CNTN5: variants seen among roughly 807,000 people sequenced by gnomAD.
CNTN5 encodes the protein contactin 5.
CNTN5 carries 77 observed loss-of-function variants against 129.1 expected under a neutral mutation model. That is an observed-to-expected ratio of 0.60 (90% CI 0.50 to 0.72). CNTN5 has a LOEUF of 0.72. CNTN5 is among the 30% of genes least tolerant of loss of function. CNTN5 has a pLI of 0.00. For synonymous variants in CNTN5, 509 were observed against 465.6 expected (o/e 1.09, Z -1.20); for missense variants, 1,478 against 1,328.8 (o/e 1.11, Z -1.75).
At chr11:99,524,067 A>T (rs1947392946) in intron 2 of CNTN5, among the ~76,000 whole-genome samples, 1 of 152,188 alleles carries the variant, frequency 6.6e-6, no homozygotes, top group African/African-American at 2.4e-5. Context: ...GAAATAAATA[A>T]ATACCTATAA....
chr11:99,065,118 A>G (rs1371604477), intron 1 of CNTN5, among the ~76,000 whole-genome samples: 1 of 152,064 alleles, frequency 6.6e-6, no homozygotes, highest in Non-Finnish European at 1.5e-5. Context: ...AGATGATACC[A>G]ATGTAAAAGC....
chr11:100,245,826 C>T (rs1300596791), intron 16 of CNTN5, among the ~76,000 whole-genome samples: 1 of 151,954 alleles, frequency 6.6e-6, no homozygotes, highest in African/African-American at 2.4e-5. Flanking sequence ...TTGACATTAC[C>T]TTAGGTGAGT....
intron 2 of CNTN5, among the ~76,000 whole-genome samples, chr11:99,375,250 T>C (rs1201189824): frequency 2.3e-5 from 3 of 130,822 alleles, no homozygotes; most frequent in African/African-American, 8.7e-5. Context: ...TTGCAATGAA[T>C]GTAGATCACG....
intron 20 of CNTN5, among the ~76,000 whole-genome samples, chr11:100,302,871 C>T (rs574519422): frequency 1.3e-5 from 2 of 151,530 alleles, no homozygotes; most frequent in Non-Finnish European, 3.0e-5. Context: ...TTAGAGAAAA[C>T]CTTGAATTGA....
intron 2 of CNTN5, among the ~76,000 whole-genome samples, chr11:99,511,151 A>T (rs898702533): frequency 6.6e-6 from 1 of 152,186 alleles, no homozygotes; most frequent in African/African-American, 2.4e-5. Context: ...TCAATTTTGG[A>T]TCTTTCCTGC....
chr11:100,135,710 T>G (rs1946501000), intron 13 of CNTN5, among the ~76,000 whole-genome samples: 1 of 152,188 alleles, frequency 6.6e-6, no homozygotes, highest in South Asian at 2.1e-4. Flanking sequence ...CTCTTCTGCT[T>G]TCTGATATTG....
chr11:100,281,255 G>T (rs1423836868), intron 18 of CNTN5, among the ~76,000 whole-genome samples: 11 of 151,974 alleles, frequency 7.2e-5, no homozygotes, highest in Admixed American at 7.2e-4. Flanking sequence ...ATTCTCTTTA[G>T]CATTTCTTGT....
At chr11:100,258,615 G>A (rs999912407) in intron 17 of CNTN5, among the ~76,000 whole-genome samples, 3 of 150,338 alleles carry the variant, frequency 2.0e-5, no homozygotes, top group Non-Finnish European at 4.4e-5. Context: ...CAAGCCAGAA[G>A]AGAGTGGGGG....
intron 1 of CNTN5, among the ~76,000 whole-genome samples, chr11:99,233,011 G>A (rs1299236331): frequency 1.3e-5 from 2 of 152,202 alleles, no homozygotes; most frequent in South Asian, 2.1e-4. Context: ...AGAATGCTTT[G>A]TTCAGCCGAG....
At chr11:100,114,524 T>C (rs2138132864) in intron 13 of CNTN5, among the ~76,000 whole-genome samples, 1 of 152,258 alleles carries the variant, frequency 6.6e-6, no homozygotes, top group South Asian at 2.1e-4. Context: ...TGATAGATTA[T>C]CACATTAATT....
In CNTN5 at chr11:99,453,589, A is replaced by G. The variant is rs142828624; in HGVS notation, c.-70-102556A>G. Among the ~76,000 whole-genome samples the G allele has an allele frequency of 5.5e-4, 84 of 152,350 alleles. 2 individuals carry two copies. In the East Asian group the frequency reaches 0.015, roughly 27 times the overall value. Reference sequence around the variant, plus strand: ...GCAATTATAGCCTAAACTTAATACAATAATTTTCAAAATTTATGAGCGATG... The same window carrying G: ...GCAATTATAGCCTAAACTTAATACAGTAATTTTCAAAATTTATGAGCGATG... On this transcript the variant is annotated intron_variant, in intron 2 of 24. Coordinates refer to ENST00000524871, the MANE Select transcript of CNTN5 (RefSeq NM_014361.4).
chr11:99,747,460 C>CTTT (rs55790126), intron 3 of CNTN5, among the ~76,000 whole-genome samples: 1,326 of 85,718 alleles, frequency 0.015, 43 homozygotes, highest in East Asian at 0.039. Flanking sequence ...AGTCAGCATC[C>CTTT]TTTTTTTTTT....
intron 13 of CNTN5, among the ~76,000 whole-genome samples, chr11:100,115,847 G>A (rs922890096): frequency 6.6e-6 from 1 of 151,962 alleles, no homozygotes; most frequent in African/African-American, 2.4e-5. Context: ...TTGAAACTCA[G>A]AAACTAAGAA....
rs1952105089 is a variant in CNTN5, at chr11:99,650,281, T to G, written c.55+94012T>G. Among the ~76,000 whole-genome samples the G allele has an allele frequency of 1.3e-5, 2 of 151,916 alleles. 1 individual carries two copies. The highest frequency in any genetic ancestry group is 2.9e-5 in the Non-Finnish European group (2 of 67,840). On this transcript the variant is annotated intron_variant, in intron 3 of 24. Transcript: ENST00000524871. ...TGTTCGGAGTCAGTGTTTTCTTTCCTCATCAGCAAATCTAATGGGGAGTCA... is the reference window on the plus strand; with the variant it reads ...TGTTCGGAGTCAGTGTTTTCTTTCCGCATCAGCAAATCTAATGGGGAGTCA...
chr11:99,280,381 T>C (rs1186729669), intron 1 of CNTN5, among the ~76,000 whole-genome samples: 2 of 151,820 alleles, frequency 1.3e-5, no homozygotes, highest in East Asian at 3.9e-4. Context: ...CAAAATCGTT[T>C]AGACAAAGGA....
chr11:99,862,411 C>T (rs1209996674), intron 6 of CNTN5, among the ~76,000 whole-genome samples: 1 of 151,852 alleles, frequency 6.6e-6, no homozygotes, highest in Admixed American at 6.6e-5. Context: ...TACCATCTTC[C>T]TATATAACTA....
At chr11:99,388,682 G>A (rs1236630830) in intron 2 of CNTN5, among the ~76,000 whole-genome samples, 1 of 152,110 alleles carries the variant, frequency 6.6e-6, no homozygotes, top group Non-Finnish European at 1.5e-5. Context: ...GTCAGTGAAA[G>A]AAAGAACACG....
chr11:99,282,303 G>A (rs1377921447), intron 1 of CNTN5, among the ~76,000 whole-genome samples: 1 of 151,972 alleles, frequency 6.6e-6, no homozygotes, highest in African/African-American at 2.4e-5. Context: ...ATAGATAATA[G>A]CATTGTGGGG....
At chr11:99,519,193 C>A (rs1032257260) in intron 2 of CNTN5, among the ~76,000 whole-genome samples, 1 of 151,882 alleles carries the variant, frequency 6.6e-6, no homozygotes, top group African/African-American at 2.4e-5. Flanking sequence ...TGTGGAATTC[C>A]CTTTTATTGC....
Sources: gnomAD v4.1 joint callset for allele counts (sites outside exome capture counted in the v4.1 genomes callset) on GRCh38, gnomAD v4.1.1 for gene constraint, MANE v1.5 for transcripts, NCBI Gene and HGNC (gene_info 2026-07-23, HGNC 2026-07-21) for gene names.